Variants in SMG1 observed in about 807,000 individuals in gnomAD.
The protein encoded by SMG1 is serine/threonine-protein kinase SMG1.
SMG1 carries 22 observed loss-of-function variants against 419.9 expected under a neutral mutation model. The observed-to-expected ratio is 0.05, with a 90% CI of 0.04 to 0.07. The LOEUF (loss-of-function observed/expected upper bound fraction) is 0.07, where lower values mean the gene tolerates loss of function less well. SMG1 is among the 10% of genes least tolerant of loss of function. The pLI is 1.00. For synonymous variants in SMG1, 1,538 were observed against 1,553.5 expected, an observed-to-expected ratio of 0.99 and a Z score of 0.23; for missense variants, 3,185 against 4,342.0, an observed-to-expected ratio of 0.73 and a Z score of 7.49.
At chr16:18,873,668 T>C (rs1243213035) in intron 13 of SMG1, among the ~76,000 whole-genome samples, 1 of 152,236 alleles carries the variant, frequency 6.6e-6, no homozygotes, top group East Asian at 1.9e-4. Context: ...AGTTTGCCGA[T>C]CTCTGGTCTA....
At chr16:18,854,561 T>G (rs947282516) in intron 30 of SMG1, 95 bp downstream of exon 30, 9 of 1,180,782 alleles carry the variant, frequency 7.6e-6, no homozygotes, top group Middle Eastern at 2.4e-4. Context: ...AATGATCAAC[T>G]TTGCTATTAC....
At position 18,856,090 on chromosome 16, in the gene SMG1, T is replaced by A. The variant is rs2034884398; in HGVS notation, c.4235-1186A>T. ...TTCTTCCTCATCTTTATCTTAACTC[T>A]CAGCTTAAATGTTACTTCCCCACAA... On this transcript the variant is annotated intron_variant, in intron 29 of 62. Coordinates refer to ENST00000446231, the MANE Select transcript of SMG1 (RefSeq NM_015092.5). Among the ~76,000 whole-genome samples the A allele has an allele frequency of 2.0e-5, 3 of 152,162 alleles. No individual in the cohort carries two copies. The South Asian group carries it at 6.2e-4, about 31-fold the overall frequency.
intron 1 of SMG1, among the ~76,000 whole-genome samples, chr16:18,899,198 C>G (rs1430153476): frequency 6.6e-6 from 1 of 152,096 alleles, no homozygotes; most frequent in Admixed American, 6.5e-5. Flanking sequence ...ACTGAAGAAA[C>G]CGGGTAATCT....
chr16:18,830,723 G>A (rs1044176604), intron 51 of SMG1, among the ~76,000 whole-genome samples: 9 of 152,074 alleles, frequency 5.9e-5, no homozygotes, highest in Non-Finnish European at 1.0e-4. Flanking sequence ...CCTAGGAGGC[G>A]GAGGTTGCCT....
chr16:18,902,973 C>T (rs903997062), intron 1 of SMG1, among the ~76,000 whole-genome samples: 7 of 152,146 alleles, frequency 4.6e-5, no homozygotes, highest in South Asian at 2.1e-4. Context: ...TACTCCACCA[C>T]GCCCAGCAAC....
intron 55 of SMG1, among the ~76,000 whole-genome samples, chr16:18,820,973 T>C (rs551074725): frequency 1.8e-3 from 273 of 152,310 alleles, no homozygotes; most frequent in African/African-American, 6.0e-3. Flanking sequence ...TAGCTTTCAA[T>C]ATCCAGTCAC....
intron 39 of SMG1, 97 bp from the exon 40 acceptor site, chr16:18,842,551 G>A (rs2033983788): frequency 1.6e-6 from 2 of 1,266,678 alleles, no homozygotes; most frequent in Non-Finnish European, 2.2e-6. Context: ...TTAGGTCACG[G>A]CGGCAGCTCA....
intron 41 of SMG1, among the ~76,000 whole-genome samples, chr16:18,841,085 C>A (rs2033888380): frequency 6.6e-6 from 1 of 151,898 alleles, no homozygotes; most frequent in South Asian, 2.1e-4. Context: ...CAAAAAAAAG[C>A]AAACAACTTT....
intron 1 of SMG1, among the ~76,000 whole-genome samples, chr16:18,918,524 A>G (rs745819409): frequency 3.2e-4 from 49 of 152,224 alleles, no homozygotes; most frequent in Admixed American, 5.2e-4. Flanking sequence ...ACTTAACTGT[A>G]TAGCTTTCCC....
intron 51 of SMG1, among the ~76,000 whole-genome samples, chr16:18,832,735 C>A (rs780799280): frequency 6.6e-6 from 1 of 151,816 alleles, no homozygotes; most frequent in Non-Finnish European, 1.5e-5. Context: ...ACAATACCTG[C>A]CTGCACTTTT....
rs539104326 is a variant in SMG1 at position 18,811,815 on chromosome 16, G to A, written c.10854C>T (p.Ala3618=). The A allele has an allele frequency of 1.2e-6, 2 of 1,613,934 alleles. No homozygotes were observed. The highest frequency in any genetic ancestry group is 3.3e-4 in the Middle Eastern group (2 of 6,062). ...GATCAACATCTCGGCCCTCTAACTT[G>A]GCTTTCACTCTCTTCCACACACTCA... The part of the protein sequence containing the change: ...YAVSVWKRVK[A]KLEGRDVDPN... The change falls in exon 62 of 63, where the codon GCC becomes GCT. Residue 3618 remains alanine (A), a synonymous_variant. Transcript: ENST00000446231.
intron 4 of SMG1, among the ~76,000 whole-genome samples, chr16:18,891,124 C>T (rs543185130): frequency 2.6e-5 from 4 of 152,152 alleles, no homozygotes; most frequent in Admixed American, 1.3e-4. Flanking sequence ...ACTGGAAACA[C>T]AGAGCTGTGA....
intron 42 of SMG1, among the ~76,000 whole-genome samples, chr16:18,839,190 T>C (rs1194891607): frequency 6.6e-6 from 1 of 152,124 alleles, no homozygotes; most frequent in African/African-American, 2.4e-5. Flanking sequence ...TTAAAAAAAT[T>C]TTTTTCCTTC....
intron 1 of SMG1, among the ~76,000 whole-genome samples, chr16:18,908,940 C>T (rs895754964): frequency 2.0e-5 from 3 of 151,394 alleles, no homozygotes; most frequent in African/African-American, 7.3e-5. Flanking sequence ...TAGATAATAA[C>T]TGTAGTTATT....
intron 45 of SMG1, among the ~76,000 whole-genome samples, chr16:18,837,777 A>C (rs1048356736): frequency 1.3e-5 from 2 of 152,186 alleles, no homozygotes; most frequent in Non-Finnish European, 2.9e-5. Context: ...AAGAAATATA[A>C]TTTTTTCAAA....
intron 55 of SMG1, among the ~76,000 whole-genome samples, chr16:18,820,468 T>C (rs748969439): frequency 1.4e-4 from 22 of 152,346 alleles, no homozygotes; most frequent in Admixed American, 1.2e-3. Context: ...CCTCCCAAAG[T>C]GCTGGGATTA....
In SMG1 at chr16:18,873,496, G is replaced by A. The variant is rs145860430; in HGVS notation, c.1891-872C>T. Among the ~76,000 whole-genome samples, 306 of 152,302 alleles carry A rather than the reference G, an allele frequency of 2.0e-3. 3 individuals carry two copies. The highest frequency in any genetic ancestry group is 6.4e-3 in the African/African-American group (268 of 41,578). ...CTCGGTCTCCCGAGGGATTACAGGC[G>A]TGAACCACTGCGCCCAGCCCAACGA... On this transcript the variant is annotated intron_variant, in intron 13 of 62. Transcript: ENST00000446231.
Position 18,868,546 on chromosome 16 carries a change from T to C in SMG1, c.3007A>G (p.Asn1003Asp), listed in dbSNP as rs771100316. ...LMYNAYEGCANALTSPPKVIR... is the reference protein window; with the variant it reads ...LMYNAYEGCADALTSPPKVIR... ...ACCTTGGGAGGTGAAGTTAATGCATTAGCACATCCCTCGTATGCATTATAC... is the reference window on the plus strand; with the variant it reads ...ACCTTGGGAGGTGAAGTTAATGCATCAGCACATCCCTCGTATGCATTATAC... The change falls in exon 21 of 63, where the codon AAT (asparagine) becomes GAT (aspartate). Residue 1003 changes from asparagine (N) to aspartate (D), a missense_variant. Asn to Asp is a conservative substitution (Grantham distance 23, BLOSUM62 1). Around this residue, in one of 27 missense-constraint regions of SMG1, gnomAD observed 70 missense variants for 185.7 expected, o/e 0.38. Coordinates refer to ENST00000446231, the MANE Select transcript of SMG1 (RefSeq NM_015092.5). 9 of 1,594,436 alleles carry C rather than the reference T, an allele frequency of 5.6e-6. No individual in the cohort carries two copies. The East Asian group carries it at 1.1e-4, about 20-fold the overall frequency.
intron 56 of SMG1, among the ~76,000 whole-genome samples, chr16:18,818,960 G>C (rs962398240): frequency 2.0e-5 from 3 of 151,996 alleles, no homozygotes; most frequent in African/African-American, 7.2e-5. Flanking sequence ...GGGACTACAG[G>C]TACCCACCAC....
Sources: allele counts gnomAD v4.1 joint callset (sites outside exome capture counted in the v4.1 genomes callset), GRCh38; gene constraint gnomAD v4.1.1; regional missense constraint gnomAD v4.1.1; transcripts MANE v1.5; gene names NCBI Gene and HGNC (gene_info 2026-07-23, HGNC 2026-07-21).